Variants in UBE2F observed in about 807,000 individuals in gnomAD.
UBE2F encodes the protein NEDD8-conjugating enzyme UBE2F.
A neutral mutation model predicts 29.6 loss-of-function variants in UBE2F; 5 were observed. That is an observed-to-expected ratio of 0.17 (90% CI 0.09 to 0.36). The LOEUF is 0.36. Ranked by LOEUF, UBE2F falls within the 10% of genes least tolerant of loss-of-function variation. The pLI, the probability that UBE2F is intolerant of heterozygous loss-of-function variation, is 1.00. For synonymous variants in UBE2F, 66 were observed against 81.8 expected, an observed-to-expected ratio of 0.81 and a Z score of 1.04; for missense variants, 141 against 228.5, an observed-to-expected ratio of 0.62 and a Z score of 2.47.
chr2:237,993,830 G>C (rs2063636580), intron 3 of UBE2F, among the ~76,000 whole-genome samples: 1 of 152,154 alleles, frequency 6.6e-6, no homozygotes, highest in Non-Finnish European at 1.5e-5. Flanking sequence ...TCATTTGTTT[G>C]AAGGAGATGG....
At chr2:237,990,441 T>G (rs757621706) in intron 3 of UBE2F, 1 of 451,020 alleles carries the variant, frequency 2.2e-6, no homozygotes, top group Admixed American at 2.4e-5. Flanking sequence ...CTCTCTTTGT[T>G]GCCCAAGTTG....
At chr2:238,019,403 A>C (rs912976905) in intron 5 of UBE2F, among the ~76,000 whole-genome samples, 20 of 151,668 alleles carry the variant, frequency 1.3e-4, no homozygotes, top group African/African-American at 4.8e-4. Flanking sequence ...TTTGATACAG[A>C]GTCTCACTCT....
chr2:238,023,691 T>C (rs998279832), intron 5 of UBE2F, among the ~76,000 whole-genome samples: 6 of 152,172 alleles, frequency 3.9e-5, no homozygotes, highest in African/African-American at 1.4e-4. Flanking sequence ...TTGATTCCTT[T>C]TTGAGATGAC....
intron 9 of UBE2F, among the ~76,000 whole-genome samples, chr2:238,037,280 T>C (rs994028732): frequency 2.0e-5 from 3 of 152,382 alleles, no homozygotes; most frequent in South Asian, 2.1e-4. Context: ...GAAAGAATTA[T>C]AGTTGCTGAA....
intron 4 of UBE2F, among the ~76,000 whole-genome samples, chr2:238,001,096 G>A (rs1201711040): frequency 7.0e-6 from 1 of 142,416 alleles, no homozygotes; most frequent in African/African-American, 2.7e-5. Flanking sequence ...GTGCAATGGT[G>A]CAATCTCGGC....
At chr2:237,968,097 A>G (rs1160300825) in intron 1 of UBE2F, among the ~76,000 whole-genome samples, 3 of 152,180 alleles carry the variant, frequency 2.0e-5, no homozygotes, top group African/African-American at 7.2e-5. Context: ...GCTTCTGGAA[A>G]TGAACAGGGT....
In UBE2F at chr2:238,041,498, C is replaced by T. The variant is rs2064837110; in HGVS notation, c.*160C>T. On this transcript the variant is annotated 3_prime_UTR_variant, in exon 10 of 10. Transcript: ENST00000272930. ...GCCCTGAAGAAGACCATCTTCATGACTGCTCATTGTAGATGGAGAATTCAA... is the reference window on the plus strand; with the variant it reads ...GCCCTGAAGAAGACCATCTTCATGATTGCTCATTGTAGATGGAGAATTCAA... 3.2e-6 allele frequency: 2 copies of T among 632,054 alleles called. No homozygotes were observed. Among genetic ancestry groups the T allele is most frequent in the Non-Finnish European group, 2.8e-6 (1 of 352,836 alleles). The allele number at this position is 632,054 out of a possible 1,614,324, so 39.2% of individuals were successfully genotyped here.
chr2:237,995,937 T>G (rs2063683134), intron 4 of UBE2F, among the ~76,000 whole-genome samples: 1 of 152,216 alleles, frequency 6.6e-6, no homozygotes, highest in Admixed American at 6.5e-5. Context: ...TTCTTTCTTG[T>G]TTTTTCTATT....
intron 5 of UBE2F, among the ~76,000 whole-genome samples, chr2:238,021,420 T>C (rs1215295760): frequency 6.6e-6 from 1 of 152,092 alleles, no homozygotes; most frequent in Admixed American, 6.5e-5. Flanking sequence ...ACCTGTAATC[T>C]CTCCATCCAG....
intron 3 of UBE2F, among the ~76,000 whole-genome samples, chr2:237,988,945 C>G (rs11692064): frequency 0.87 from 132,980 of 152,254 alleles, 58,343 homozygotes; most frequent in East Asian, 0.97. Flanking sequence ...TCATGAGCAC[C>G]GTACATTCGG....
In UBE2F at chr2:238,022,173, TTC is replaced by T. The variant is rs1447061652; in HGVS notation, c.283-3167_283-3166del. Among the ~76,000 whole-genome samples the T allele has an allele frequency of 1.5e-4, 7 of 46,242 alleles. No homozygotes were observed. In the Admixed American group the frequency reaches 1.6e-3, roughly 11 times the overall value. The allele number at this position is 46,242 out of a possible 152,430, so 30.3% of individuals were successfully genotyped here. A position where few individuals can be genotyped will look rare whatever the true frequency, so the allele number is the denominator to read the frequency against. On this transcript the variant is annotated intron_variant, in intron 5 of 9. Transcript: ENST00000272930. ...TCATTTCTTTTTCTTTTCTTTTCTT[TTC>T]TTTTTTTTTTTGGAGACAGAGTCTT...
chr2:238,035,466 A>G (rs2064686462), intron 8 of UBE2F: 1 of 190,020 alleles, frequency 5.3e-6, no homozygotes, highest in Non-Finnish European at 1.1e-5. Context: ...AGGGGCCCAA[A>G]AAGTCAAAAC....
chr2:237,999,421 C>T (rs2063749567), intron 4 of UBE2F, among the ~76,000 whole-genome samples: 1 of 152,054 alleles, frequency 6.6e-6, no homozygotes, highest in Non-Finnish European at 1.5e-5. Flanking sequence ...ATGGTTTGTG[C>T]CTTTTATGTC....
intron 5 of UBE2F, among the ~76,000 whole-genome samples, chr2:238,022,175 C>CTTTTTTTTTTTT (rs1162304454): frequency 8.7e-4 from 55 of 63,332 alleles, no homozygotes; most frequent in Middle Eastern, 7.7e-3. Flanking sequence ...CTTTTCTTTT[C>CTTTTTTTTTTTT]TTTTTTTTTT....
At chr2:237,992,564 T>C (rs1404938407) in intron 3 of UBE2F, among the ~76,000 whole-genome samples, 4 of 152,246 alleles carry the variant, frequency 2.6e-5, no homozygotes, top group African/African-American at 9.6e-5. Context: ...CTATCAGTCC[T>C]GTGTTATTTG....
Position 237,967,221 on chromosome 2 carries a change from G to A in UBE2F, c.-17+89G>A, listed in dbSNP as rs1252035639. ...TGCGGGCCGGGCGGAGGGCGCGGGC[G>A]GTGGCGGGGCCGCCTCGGGCCCGCC... On this transcript the variant is annotated intron_variant, in intron 1 of 9. Transcript: ENST00000272930. The surrounding 1 kb of genome is among the most constrained non-coding windows in gnomAD (Gnocchi z 6.3). The A allele has an allele frequency of 2.2e-6, 2 of 917,922 alleles. No homozygotes were observed. Among genetic ancestry groups the A allele is most frequent in the East Asian group, 1.1e-4 (1 of 9,374 alleles). 56.9% of individuals were successfully genotyped at this position (917,922 alleles called of 1,614,324 possible).
At chr2:237,995,373 CA>C (rs1006947255) in intron 4 of UBE2F, among the ~76,000 whole-genome samples, 1 of 152,186 alleles carries the variant, frequency 6.6e-6, no homozygotes, top group African/African-American at 2.4e-5. Context: ...TCTTCTTGGT[CA>C]AAGTGACAGC....
intron 4 of UBE2F, among the ~76,000 whole-genome samples, chr2:238,006,188 T>C (rs1576617291): frequency 6.6e-6 from 1 of 152,188 alleles, no homozygotes; most frequent in East Asian, 1.9e-4. Flanking sequence ...GGAGCCGGCA[T>C]ATCACATGGT....
chr2:238,041,082 T>C (rs2064828534), intron 9 of UBE2F, among the ~76,000 whole-genome samples: 2 of 152,092 alleles, frequency 1.3e-5, no homozygotes, highest in Non-Finnish European at 2.9e-5. Context: ...CCCCTCAACA[T>C]ACCCAGCACT....
Sources: allele counts gnomAD v4.1 joint callset (sites outside exome capture counted in the v4.1 genomes callset), GRCh38; gene constraint gnomAD v4.1.1; non-coding constraint Gnocchi (gnomAD v3.1); transcripts MANE v1.5; gene names NCBI Gene and HGNC (gene_info 2026-07-23, HGNC 2026-07-21).